The following VCF1 variants were observed in gnomAD, a reference collection of about 807,000 sequenced individuals.
VCF1 encodes VCP nuclear cofactor family member 1.
At chr17:73,220,215 T>C in the VCF1 span, among the ~76,000 whole-genome samples, 1 of 152,174 alleles carries the variant, frequency 6.6e-6, no homozygotes, top group East Asian at 1.9e-4. Context: ...GAATTCACAT[T>C]ATTTTTTAAA....
At chr17:73,224,253 G>C in the VCF1 span, among the ~76,000 whole-genome samples, 1 of 88,794 alleles carries the variant, frequency 1.1e-5, no homozygotes. Context: ...ATAGTGAGAC[G>C]TCGTCTCTCC....
chr17:73,227,654 A>C, the VCF1 span: 3 of 986,628 alleles, frequency 3.0e-6, no homozygotes, highest in Non-Finnish European at 3.6e-6. Context: ...ACTCCCTTCC[A>C]TATGACAACA....
At chr17:73,208,218 T>A in the VCF1 span, 5 of 1,601,414 alleles carry the variant, frequency 3.1e-6, no homozygotes, top group Middle Eastern at 2.3e-4. Flanking sequence ...TCCGCTTGTG[T>A]GTGCCGTGTG....
chr17:73,225,951 G>C, the VCF1 span, among the ~76,000 whole-genome samples: 1 of 143,764 alleles, frequency 7.0e-6, no homozygotes, highest in Admixed American at 7.1e-5. Context: ...GCCCAGGCTG[G>C]AGTAAAACGG....
chr17:73,221,787 G>T, the VCF1 span, among the ~76,000 whole-genome samples: 1 of 152,034 alleles, frequency 6.6e-6, no homozygotes, highest in Non-Finnish European at 1.5e-5. Context: ...TGTAATCCCA[G>T]CACTTTGGGA....
At chr17:73,212,591 C>T in the VCF1 span, 9 of 1,077,088 alleles carry the variant, frequency 8.4e-6, no homozygotes, top group Admixed American at 5.0e-5. Flanking sequence ...GTCTCCTAAC[C>T]TAGTATAACA....
the VCF1 span, among the ~76,000 whole-genome samples, chr17:73,231,844 G>A: frequency 6.6e-6 from 1 of 151,880 alleles, no homozygotes; most frequent in Non-Finnish European, 1.5e-5. Context: ...GGAAAAGACA[G>A]GGGGGAAAAA....
At chr17:73,209,716 T>C in the VCF1 span, 3 of 1,545,640 alleles carry the variant, frequency 1.9e-6, no homozygotes, top group Non-Finnish European at 2.6e-6. Context: ...GTCCGGGCTA[T>C]TGATGCTGCT....
the VCF1 span, chr17:73,227,622 G>A: frequency 4.0e-6 from 4 of 989,164 alleles, no homozygotes; most frequent in African/African-American, 7.0e-5. Flanking sequence ...CCTGAAATTA[G>A]GATTCCGAGT....
chr17:73,228,054 C>T, the VCF1 span, among the ~76,000 whole-genome samples: 1 of 152,252 alleles, frequency 6.6e-6, no homozygotes, highest in Non-Finnish European at 1.5e-5. Flanking sequence ...TGGTTATTTA[C>T]ATTTAAATTA....
the VCF1 span, among the ~76,000 whole-genome samples, chr17:73,215,956 TGTG>T: frequency 1.3e-5 from 2 of 151,264 alleles, no homozygotes; most frequent in Admixed American, 1.3e-4. Context: ...AAAAGCAAGG[TGTG>T]GTGTGGGTGG....
the VCF1 span, chr17:73,208,339 C>G: frequency 6.2e-7 from 1 of 1,614,076 alleles, no homozygotes; most frequent in Non-Finnish European, 8.5e-7. Flanking sequence ...CGCTCCACAG[C>G]TGGTGACCCG....
the VCF1 span, among the ~76,000 whole-genome samples, chr17:73,226,183 G>A: frequency 5.3e-5 from 8 of 152,256 alleles, no homozygotes; most frequent in South Asian, 1.7e-3. Context: ...TTATAGGGAT[G>A]AGCCACTGCG....
At chr17:73,224,702 C>A in the VCF1 span, among the ~76,000 whole-genome samples, 15 of 152,306 alleles carry the variant, frequency 9.8e-5, no homozygotes, top group East Asian at 2.9e-3. Flanking sequence ...GTGAAAACTT[C>A]ATTATTTGGG....
chr17:73,208,138 C>T, the VCF1 span: 1 of 1,495,868 alleles, frequency 6.7e-7, no homozygotes, highest in Non-Finnish European at 8.9e-7. Context: ...AAGGCTCATG[C>T]TGTTCCGTGT....
chr17:73,208,400 G>T, the VCF1 span: 1 of 1,614,232 alleles, frequency 6.2e-7, no homozygotes, highest in Non-Finnish European at 8.5e-7. Flanking sequence ...AAGACAACAC[G>T]TCTGCACCTT....
At chr17:73,222,792 GA>G in the VCF1 span, among the ~76,000 whole-genome samples, 74,957 of 145,908 alleles carry the variant, frequency 0.51, 19,344 homozygotes, top group East Asian at 0.6. Context: ...AAAAAAAAAA[GA>G]AAAAAAAAGA....
chr17:73,207,549 C>A, the VCF1 span: 1 of 638,044 alleles, frequency 1.6e-6, no homozygotes, highest in Non-Finnish European at 2.6e-6. Flanking sequence ...GAGTTAACTG[C>A]CAACCCGGCA....
chr17:73,227,302 A>G, the VCF1 span: 1 of 1,498,328 alleles, frequency 6.7e-7, no homozygotes. Context: ...AAAAAAACCC[A>G]AACAACCGAT....
Sources: gnomAD v4.1 joint callset for allele counts (sites outside exome capture counted in the v4.1 genomes callset) on GRCh38, gnomAD v4.1.1 for gene constraint, MANE v1.5 for transcripts, NCBI Gene and HGNC (gene_info 2026-07-23, HGNC 2026-07-21) for gene names.